CNTN1: variants seen among roughly 807,000 people sequenced by gnomAD.
The protein encoded by CNTN1 is contactin 1, also known as contactin-1.
CNTN1 carries 38 observed loss-of-function variants against 126.4 expected under a neutral mutation model. That is an observed-to-expected ratio of 0.30 (90% CI 0.23 to 0.39). The LOEUF is 0.39. CNTN1 is among the 10% of genes least tolerant of loss of function. The pLI is 1.00. For synonymous variants in CNTN1, 413 were observed against 422.6 expected, an observed-to-expected ratio of 0.98 and a Z score of 0.28; for missense variants, 1,009 against 1,248.4, an observed-to-expected ratio of 0.81 and a Z score of 2.89.
intron 1 of CNTN1, among the ~76,000 whole-genome samples, chr12:40,802,669 AT>A (rs529774582): frequency 3.6e-4 from 54 of 152,056 alleles, no homozygotes; most frequent in African/African-American, 1.3e-3. Flanking sequence ...CCCTCCCCAA[AT>A]TATGCTTGTT....
intron 1 of CNTN1, among the ~76,000 whole-genome samples, chr12:40,789,032 A>G (rs1193138484): frequency 6.6e-6 from 1 of 152,164 alleles, no homozygotes; most frequent in African/African-American, 2.4e-5. Flanking sequence ...TGTCTTATAT[A>G]TCTTTCACAT....
intron 23 of CNTN1, among the ~76,000 whole-genome samples, chr12:41,058,447 T>C (rs1338398407): frequency 6.6e-6 from 1 of 152,122 alleles, no homozygotes; most frequent in African/African-American, 2.4e-5. Flanking sequence ...TCAGTTCCAT[T>C]CACTTGTGGG....
At chr12:40,911,182 G>A (rs538911752) in intron 3 of CNTN1, among the ~76,000 whole-genome samples, 2 of 152,058 alleles carry the variant, frequency 1.3e-5, no homozygotes, top group Admixed American at 1.3e-4. Context: ...CGGGATTCAC[G>A]CCATTCTCCT....
chr12:40,999,094 G>A (rs1023057414), intron 17 of CNTN1, among the ~76,000 whole-genome samples: 4 of 151,992 alleles, frequency 2.6e-5, no homozygotes, highest in Admixed American at 6.6e-5. Flanking sequence ...AAGGAAAATT[G>A]GCAGCATTAA....
chr12:40,816,906 C>G (rs553046191), intron 1 of CNTN1, among the ~76,000 whole-genome samples: 6 of 152,146 alleles, frequency 3.9e-5, no homozygotes, highest in Non-Finnish European at 7.4e-5. Flanking sequence ...CATTATTTAC[C>G]CTGGAGTCAT....
chr12:40,917,853 G>A (rs530208481), intron 3 of CNTN1, among the ~76,000 whole-genome samples: 14 of 152,246 alleles, frequency 9.2e-5, no homozygotes, highest in African/African-American at 3.4e-4. Context: ...ACGGCTGTTT[G>A]TGATAAATTT....
intron 1 of CNTN1, among the ~76,000 whole-genome samples, chr12:40,874,364 C>T (rs559846280): frequency 1.1e-4 from 17 of 151,886 alleles, no homozygotes; most frequent in South Asian, 4.2e-4. Context: ...AAAGTCACAA[C>T]GAAATTTAAA....
chr12:40,943,901 A>G, intron 13 of CNTN1, 94 bp from the exon 14 acceptor site: 1 of 1,393,364 alleles, frequency 7.2e-7, no homozygotes, highest in Non-Finnish European at 9.9e-7. Flanking sequence ...ATTATTTTGC[A>G]CAAATAAAAA....
chr12:40,767,342 T>G (rs7967810), intron 1 of CNTN1, among the ~76,000 whole-genome samples: 65,544 of 131,562 alleles, frequency 0.5, 17,542 homozygotes, highest in East Asian at 0.69. Context: ...GGAGTCTCGC[T>G]CTGTCGCCCA....
At chr12:40,946,122 C>A (rs1376239579) in intron 14 of CNTN1, among the ~76,000 whole-genome samples, 1 of 152,158 alleles carries the variant, frequency 6.6e-6, no homozygotes, top group Non-Finnish European at 1.5e-5. Flanking sequence ...TGAATTCTAT[C>A]TTTCAAACCA....
chr12:41,035,534 G>A (rs961989429), intron 23 of CNTN1, among the ~76,000 whole-genome samples: 8 of 151,954 alleles, frequency 5.3e-5, no homozygotes, highest in Admixed American at 5.2e-4. Context: ...GATATCAGAA[G>A]AATAAAGAAC....
At position 41,026,830 on chromosome 12, in the gene CNTN1, G is replaced by A. The variant is rs535196574; in HGVS notation, c.2711-1027G>A. Among the ~76,000 whole-genome samples the A allele has an allele frequency of 3.3e-5, 5 of 152,270 alleles. No homozygotes were observed. In the South Asian group the frequency reaches 1.0e-3, roughly 32 times the overall value. ...ATCTGTACAGAAAATGGATTGTGGT[G>A]GGTTAACAGTGGAAGCAGAAAAGCC... On this transcript the variant is annotated intron_variant, in intron 21 of 23. Transcript: ENST00000551295.
At chr12:40,936,494 G>GA (rs1202232937) in intron 9 of CNTN1, among the ~76,000 whole-genome samples, 8 of 151,950 alleles carry the variant, frequency 5.3e-5, no homozygotes, top group South Asian at 2.1e-4. Context: ...GTTATGAGCA[G>GA]AAAAAAATCA....
chr12:40,815,947 T>C (rs1379960239), intron 1 of CNTN1, among the ~76,000 whole-genome samples: 1 of 152,196 alleles, frequency 6.6e-6, no homozygotes, highest in African/African-American at 2.4e-5. Flanking sequence ...TGTGATGGAT[T>C]ATGTTTATTG....
chr12:40,714,161 T>G (rs1222908312), intron 1 of CNTN1, among the ~76,000 whole-genome samples: 1 of 152,092 alleles, frequency 6.6e-6, no homozygotes, highest in Non-Finnish European at 1.5e-5. Context: ...TGTTTGAAAA[T>G]TCTTCACAGA....
intron 1 of CNTN1, among the ~76,000 whole-genome samples, chr12:40,886,841 T>A (rs1399324393): frequency 6.6e-6 from 1 of 152,218 alleles, no homozygotes; most frequent in East Asian, 1.9e-4. Flanking sequence ...TCCCCATTGC[T>A]TGTTTTTCTC....
intron 1 of CNTN1, among the ~76,000 whole-genome samples, chr12:40,726,070 A>G (rs750574541): frequency 1.3e-5 from 2 of 152,184 alleles, no homozygotes; most frequent in Non-Finnish European, 2.9e-5. Flanking sequence ...CATTTCAAGA[A>G]AAATAAAACC....
chr12:40,760,150 T>C (rs539698293), intron 1 of CNTN1, among the ~76,000 whole-genome samples: 1 of 152,216 alleles, frequency 6.6e-6, no homozygotes, highest in Admixed American at 6.5e-5. Context: ...TTTGTTTTGG[T>C]TTTTTGCTTT....
chr12:41,025,935 C>A (rs192143061), intron 21 of CNTN1, among the ~76,000 whole-genome samples: 1 of 152,204 alleles, frequency 6.6e-6, no homozygotes, highest in East Asian at 1.9e-4. Context: ...TTATGTAGGA[C>A]TCTAGGGAAT....
Sources: allele counts gnomAD v4.1 joint callset (sites outside exome capture counted in the v4.1 genomes callset), GRCh38; gene constraint gnomAD v4.1.1; transcripts MANE v1.5; gene names NCBI Gene and HGNC (gene_info 2026-07-23, HGNC 2026-07-21).